The following NTM variants were observed in gnomAD, a reference collection of about 807,000 sequenced individuals.
NTM encodes IgLON family member 2.
Under a neutral mutation model 42.1 loss-of-function variants are expected in NTM, and 13 were observed. That is an observed-to-expected ratio of 0.31 (90% CI 0.20 to 0.49). The LOEUF is 0.49. NTM is among the 20% of genes least tolerant of loss of function. The pLI, the probability that NTM is intolerant of heterozygous loss-of-function variation, is 0.99. For missense variants in NTM, 373 were observed against 452.8 expected, an observed-to-expected ratio of 0.82 and a Z score of 1.60; for synonymous variants, 187 against 179.2, an observed-to-expected ratio of 1.04 and a Z score of -0.35.
At chr11:132,190,736 T>TAAAA (rs35431586) in intron 3 of NTM, among the ~76,000 whole-genome samples, 12 of 132,730 alleles carry the variant, frequency 9.0e-5, no homozygotes, top group Admixed American at 3.1e-4. Context: ...GAATCCATCT[T>TAAAA]AAAAAAAAAA....
At chr11:131,727,398 A>T (rs1341101452) in intron 1 of NTM, among the ~76,000 whole-genome samples, 2 of 152,224 alleles carry the variant, frequency 1.3e-5, no homozygotes, top group African/African-American at 2.4e-5. Flanking sequence ...TCATCCCAAC[A>T]GCTGCTGGGA....
At chr11:132,313,345 G>A (rs1272221002) in intron 6 of NTM, among the ~76,000 whole-genome samples, 1 of 152,004 alleles carries the variant, frequency 6.6e-6, no homozygotes, top group Non-Finnish European at 1.5e-5. Flanking sequence ...CATGTCCCCT[G>A]AATCTGTTCC....
intron 4 of NTM, among the ~76,000 whole-genome samples, chr11:132,287,963 T>C (rs756491826): frequency 3.9e-5 from 6 of 152,258 alleles, no homozygotes; most frequent in Non-Finnish European, 7.3e-5. Flanking sequence ...AACATTTATG[T>C]GGTTCAAGGG....
At chr11:131,474,863 C>T (rs960234931) in intron 1 of NTM, among the ~76,000 whole-genome samples, 6 of 152,128 alleles carry the variant, frequency 3.9e-5, no homozygotes, top group African/African-American at 1.4e-4. Context: ...AAATGTGGAG[C>T]GGGCCATATT....
chr11:132,062,555 A>G (rs574910792), intron 2 of NTM, among the ~76,000 whole-genome samples: 1 of 151,990 alleles, frequency 6.6e-6, no homozygotes, highest in Non-Finnish European at 1.5e-5. Context: ...AAGGAAGGGA[A>G]TCTTTCAACA....
intron 1 of NTM, among the ~76,000 whole-genome samples, chr11:131,482,402 G>A (rs774444845): frequency 2.0e-5 from 3 of 152,166 alleles, no homozygotes; most frequent in Non-Finnish European, 4.4e-5. Context: ...ATATTCATGG[G>A]CAAAAATTGT....
intron 1 of NTM, among the ~76,000 whole-genome samples, chr11:131,710,212 T>C (rs920931815): frequency 4.6e-5 from 7 of 152,212 alleles, no homozygotes; most frequent in Non-Finnish European, 8.8e-5. Context: ...TTCTATGGCC[T>C]CTATCTTCTG....
intron 1 of NTM, among the ~76,000 whole-genome samples, chr11:131,873,544 ATATACATATATATATACCG>A (rs2048030293): frequency 1.9e-5 from 1 of 51,434 alleles, no homozygotes; most frequent in African/African-American, 4.6e-5. Flanking sequence ...GTGTGTATAT[ATATACATATATATATACCG>A]TATATATATA....
intron 2 of NTM, among the ~76,000 whole-genome samples, chr11:131,944,210 C>G (rs1401742597): frequency 6.6e-6 from 1 of 152,182 alleles, no homozygotes; most frequent in African/African-American, 2.4e-5. Context: ...TCTAGAAATA[C>G]TAGGTACAGA....
chr11:132,296,772 C>CT (rs1250398084), intron 4 of NTM, among the ~76,000 whole-genome samples: 5 of 152,162 alleles, frequency 3.3e-5, no homozygotes, highest in African/African-American at 1.2e-4. Flanking sequence ...CATACACCGT[C>CT]TTTTTATAGA....
rs75330656 is a variant in NTM, at chr11:131,970,231, T to G, written c.167+58583T>G. On this transcript the variant is annotated intron_variant, in intron 2 of 8. Coordinates refer to ENST00000683400, the MANE Select transcript of NTM (RefSeq NM_001352005.2). ...CAAGAATAATGGTGTTAAAAGCCAGTTATCATGGCTCCAATTTTTCTATGT... is the reference window on the plus strand; with the variant it reads ...CAAGAATAATGGTGTTAAAAGCCAGGTATCATGGCTCCAATTTTTCTATGT... 4.5e-3 allele frequency among the ~76,000 whole-genome samples: 684 copies of G among 152,332 alleles called. 7 individuals are homozygous for G. The highest frequency in any genetic ancestry group is 0.014 in the African/African-American group (596 of 41,584).
intron 2 of NTM, among the ~76,000 whole-genome samples, chr11:131,987,445 C>T (rs947875752): frequency 1.4e-5 from 2 of 147,380 alleles, no homozygotes; most frequent in Non-Finnish European, 3.0e-5. Flanking sequence ...TCATTCCAGC[C>T]CATCCCATCA....
At chr11:131,845,344 T>A (rs1393874772) in intron 1 of NTM, among the ~76,000 whole-genome samples, 1 of 152,144 alleles carries the variant, frequency 6.6e-6, no homozygotes, top group Non-Finnish European at 1.5e-5. Flanking sequence ...CTTGTGTTTG[T>A]ATTCTGGAAT....
At chr11:131,403,964 CTCTT>C (rs1200605254) in intron 1 of NTM, among the ~76,000 whole-genome samples, 3 of 152,152 alleles carry the variant, frequency 2.0e-5, no homozygotes, top group African/African-American at 7.2e-5. Context: ...AATTATCTTC[CTCTT>C]TCTTCTACAT....
At chr11:132,109,856 A>C (rs1402278348) in intron 2 of NTM, among the ~76,000 whole-genome samples, 1 of 152,130 alleles carries the variant, frequency 6.6e-6, no homozygotes, top group Non-Finnish European at 1.5e-5. Context: ...TGGCATCCTC[A>C]TAGCTTAGTT....
At chr11:131,763,709 CTTTTTTTTTTT>C (rs557522093) in intron 1 of NTM, among the ~76,000 whole-genome samples, 4 of 71,364 alleles carry the variant, frequency 5.6e-5, no homozygotes, top group Admixed American at 1.9e-4. Flanking sequence ...ATCTCTCTCT[CTTTTTTTTTTT>C]TTTTTTTTTT....
chr11:131,438,745 A>G (rs1007979891), intron 1 of NTM, among the ~76,000 whole-genome samples: 2 of 152,064 alleles, frequency 1.3e-5, no homozygotes, highest in African/African-American at 4.8e-5. Context: ...TTTAGCTTGG[A>G]GAAGTTTGTT....
intron 1 of NTM, among the ~76,000 whole-genome samples, chr11:131,592,377 C>G (rs765338522): frequency 1.3e-5 from 2 of 152,050 alleles, no homozygotes; most frequent in Admixed American, 1.3e-4. Context: ...ACCTAAGATC[C>G]ACGAAGTCTA....
intron 3 of NTM, among the ~76,000 whole-genome samples, chr11:132,164,790 A>G (rs2075000011): frequency 6.6e-6 from 1 of 152,132 alleles, no homozygotes; most frequent in Non-Finnish European, 1.5e-5. Context: ...TGAACTCCCG[A>G]GGCCTGTTTT....
Sources: gnomAD v4.1 joint callset for allele counts (sites outside exome capture counted in the v4.1 genomes callset) on GRCh38, gnomAD v4.1.1 for gene constraint, MANE v1.5 for transcripts, NCBI Gene and HGNC (gene_info 2026-07-23, HGNC 2026-07-21) for gene names.